METTL15: variants seen among roughly 807,000 people sequenced by gnomAD.
METTL15 encodes the protein 12S rRNA N(4)-cytidine methyltransferase METTL15.
In METTL15, 34 loss-of-function variants were observed where a neutral mutation model predicts 38.3. The ratio of observed to expected loss-of-function variants is 0.89; its 90% CI spans 0.68 to 1.18. The LOEUF (loss-of-function observed/expected upper bound fraction) is 1.18. METTL15 is among the 50% of genes most tolerant of loss of function. The pLI is 0.00. For synonymous variants in METTL15, 162 were observed against 170.9 expected (o/e 0.95, Z 0.41); for missense variants, 438 against 498.4 (o/e 0.88, Z 1.15).
In METTL15 at chr11:28,479,563, T is replaced by A. The variant is rs1037327515; in HGVS notation, c.*425-46915T>A. On this transcript the variant is annotated intron_variant and NMD_transcript_variant, in intron 6 of 7. Coordinates refer to the METTL15 transcript ENST00000532947. ...TTGCATACAAAAGGTTTTGTAGTAA[T>A]CCTGATATAGATTCCATCCAGCTTG... Among the ~76,000 whole-genome samples the A allele has an allele frequency of 3.9e-5, 6 of 152,312 alleles. No homozygotes were observed. In the East Asian group the frequency reaches 9.7e-4, roughly 25 times the overall value.
intron 3 of METTL15, among the ~76,000 whole-genome samples, chr11:28,125,012 G>C (rs776154358): frequency 6.6e-6 from 1 of 152,040 alleles, no homozygotes; most frequent in Non-Finnish European, 1.5e-5. Flanking sequence ...GAATGAAAAT[G>C]TAAGTAACTT....
intron 6 of METTL15, among the ~76,000 whole-genome samples, chr11:28,325,996 T>G (rs1269799546): frequency 1.3e-5 from 2 of 152,228 alleles, no homozygotes; most frequent in Non-Finnish European, 2.9e-5. Context: ...AAAAGGAGAT[T>G]TTCTCTCATC....
chr11:28,136,171 A>T (rs1480153833), intron 3 of METTL15, among the ~76,000 whole-genome samples: 1 of 152,174 alleles, frequency 6.6e-6, no homozygotes, highest in Non-Finnish European at 1.5e-5. Flanking sequence ...AAATTTGTTT[A>T]TTTCTGTAGC....
At chr11:28,336,314 T>C (rs901147946), downstream of METTL15, among the ~76,000 whole-genome samples, 1 of 152,180 alleles carries the variant, frequency 6.6e-6, no homozygotes, top group Non-Finnish European at 1.5e-5. Context: ...AGAAAGTATT[T>C]GTCCTCCTCC....
At chr11:28,531,221 A>C (rs193080481), downstream of METTL15, among the ~76,000 whole-genome samples, 3 of 152,180 alleles carry the variant, frequency 2.0e-5, no homozygotes, top group African/African-American at 7.2e-5. Context: ...ATGATGACAA[A>C]AACCACCATC....
intron 3 of METTL15, among the ~76,000 whole-genome samples, chr11:28,209,828 A>C (rs906417585): frequency 1.3e-5 from 2 of 152,052 alleles, no homozygotes; most frequent in Non-Finnish European, 2.9e-5. Flanking sequence ...AATCCATGAC[A>C]GGAATTTCCC....
chr11:28,360,918 T>C (rs1255698179), intron 4 of METTL15, among the ~76,000 whole-genome samples: 1 of 151,194 alleles, frequency 6.6e-6, no homozygotes, highest in African/African-American at 2.4e-5. Context: ...GTTTGGTTTT[T>C]TGTCCTTGCG....
At chr11:28,161,872 A>T (rs1850479061) in intron 3 of METTL15, among the ~76,000 whole-genome samples, 1 of 152,164 alleles carries the variant, frequency 6.6e-6, no homozygotes, top group Admixed American at 6.6e-5. Context: ...ATTTCAGATA[A>T]GGTTATGTCA....
intron 5 of METTL15, among the ~76,000 whole-genome samples, chr11:28,365,931 G>C (rs1353940301): frequency 6.6e-6 from 1 of 151,994 alleles, no homozygotes; most frequent in Non-Finnish European, 1.5e-5. Flanking sequence ...GGCACCTGTA[G>C]TGCCAGCTAC....
At chr11:28,431,809 A>AAAAAAAAAAAAAAAAAAAC (rs1564929904) in intron 6 of METTL15, among the ~76,000 whole-genome samples, 1 of 5,572 alleles carries the variant, frequency 1.8e-4, no homozygotes, top group Non-Finnish European at 2.0e-3. Context: ...AAAAAAAAAG[A>AAAAAAAAAAAAAAAAAAAC]AAAAAAAAAA....
At chr11:28,378,193 G>T (rs976003733) in intron 5 of METTL15, among the ~76,000 whole-genome samples, 3 of 152,320 alleles carry the variant, frequency 2.0e-5, no homozygotes, top group Admixed American at 6.5e-5. Flanking sequence ...CCCAGTTCGA[G>T]CTTCCTGGCT....
chr11:28,217,340 T>C (rs372709817), intron 4 of METTL15, among the ~76,000 whole-genome samples: 2 of 152,210 alleles, frequency 1.3e-5, no homozygotes, highest in Non-Finnish European at 1.5e-5. Flanking sequence ...ACATGTGTCT[T>C]TTGGCTGCAT....
At chr11:28,291,027 G>A (rs564149203) in intron 5 of METTL15, among the ~76,000 whole-genome samples, 1 of 149,734 alleles carries the variant, frequency 6.7e-6, no homozygotes, top group Non-Finnish European at 1.5e-5. Flanking sequence ...CATATTCTAG[G>A]AAAGTGTAGA....
intron 6 of METTL15, among the ~76,000 whole-genome samples, chr11:28,464,181 A>C (rs1263547027): frequency 6.6e-6 from 1 of 152,188 alleles, no homozygotes; most frequent in Non-Finnish European, 1.5e-5. Flanking sequence ...CACTATCATC[A>C]TGTGTTTACA....
intron 5 of METTL15, among the ~76,000 whole-genome samples, chr11:28,395,526 A>G (rs1214140930): frequency 1.3e-5 from 2 of 152,154 alleles, no homozygotes; most frequent in Non-Finnish European, 2.9e-5. Context: ...AAATTCCTGG[A>G]CACATACACC....
intron 3 of METTL15, among the ~76,000 whole-genome samples, chr11:28,157,245 G>T (rs1033369889): frequency 9.2e-5 from 14 of 152,164 alleles, no homozygotes; most frequent in African/African-American, 3.1e-4. Context: ...CCTCATTTGG[G>T]TGTGTTACTC....
In METTL15 at chr11:28,377,643, C is replaced by A. The variant is rs1369957232; in HGVS notation, c.*358+15607C>A. Reference sequence around the variant, plus strand: ...CTCAGAGTAATTTGATCGTCTGAAGCCTTCTTCTCTCAGCTCGTCAAAGTC... The same window carrying A: ...CTCAGAGTAATTTGATCGTCTGAAGACTTCTTCTCTCAGCTCGTCAAAGTC... On this transcript the variant is annotated intron_variant and NMD_transcript_variant, in intron 5 of 7. Transcript: ENST00000532947. Among the ~76,000 whole-genome samples the A allele has an allele frequency of 5.9e-5, 9 of 152,220 alleles. No individual in the cohort carries two copies. The South Asian group carries it at 1.9e-3, about 32-fold the overall frequency.
At chr11:28,164,023 T>C (rs1485891255) in intron 3 of METTL15, 1 of 152,138 alleles carries the variant, frequency 6.6e-6, no homozygotes, top group African/African-American at 2.4e-5. Context: ...TAGAGGTAAT[T>C]GTAATTCAGA....
rs1851300701 is a variant in METTL15 at position 28,181,805 on chromosome 11, T to C, written c.271-29257T>C. ...GGATTACTGGGTCAAATGATATTTC[T>C]AGTTCTAGATCCTTGAGGAATCATC... On this transcript the variant is annotated intron_variant, in intron 3 of 6. Transcript: ENST00000407364. 2.6e-5 allele frequency among the ~76,000 whole-genome samples: 4 copies of C among 152,172 alleles called. No individual in the cohort carries two copies. In the South Asian group the frequency reaches 8.3e-4, roughly 31 times the overall value.
Sources: gnomAD v4.1 joint callset for allele counts (sites outside exome capture counted in the v4.1 genomes callset) on GRCh38, gnomAD v4.1.1 for gene constraint, MANE v1.5 for transcripts, NCBI Gene and HGNC (gene_info 2026-07-23, HGNC 2026-07-21) for gene names.